The following MED27 variants were observed in gnomAD, a reference collection of about 807,000 sequenced individuals.
MED27 encodes mediator complex subunit 27.
MED27 carries 30 observed loss-of-function variants against 38.2 expected under a neutral mutation model. That is an observed-to-expected ratio of 0.79 (90% CI 0.59 to 1.07). The LOEUF is 1.07. Ranked by LOEUF, MED27 falls within the 50% of genes least tolerant of loss-of-function variation. The probability of loss-of-function intolerance (pLI) is 0.00; values close to 1 mark genes in which losing one functional copy is unlikely to be tolerated. For synonymous variants in MED27, 122 were observed against 153.5 expected (o/e 0.79, Z 1.52); for missense variants, 289 against 397.5 (o/e 0.73, Z 2.32).
chr9:132,013,325 AT>A (rs1832523272), intron 3 of MED27, among the ~76,000 whole-genome samples: 1 of 152,250 alleles, frequency 6.6e-6, no homozygotes, highest in South Asian at 2.1e-4. Flanking sequence ...ATACAAAAAA[AT>A]GACACTGCAT....
intron 2 of MED27, among the ~76,000 whole-genome samples, chr9:132,034,310 A>G (rs754768881): frequency 6.6e-6 from 1 of 152,212 alleles, no homozygotes; most frequent in Non-Finnish European, 1.5e-5. Context: ...AAAAGTGTCC[A>G]TGGACAAATA....
intron 4 of MED27, among the ~76,000 whole-genome samples, chr9:131,899,977 C>T (rs565788589): frequency 3.0e-4 from 46 of 152,342 alleles, no homozygotes; most frequent in African/African-American, 9.1e-4. Flanking sequence ...TTGGCAACTG[C>T]TATAGGATAC....
intron 2 of MED27, among the ~76,000 whole-genome samples, chr9:132,036,988 C>T (rs993274484): frequency 6.6e-6 from 1 of 151,998 alleles, no homozygotes; most frequent in African/African-American, 2.4e-5. Flanking sequence ...GTGACAGCAA[C>T]GGAGAGAAAG....
intron 2 of MED27, among the ~76,000 whole-genome samples, chr9:132,063,072 G>A (rs1243309202): frequency 6.6e-6 from 1 of 152,218 alleles, no homozygotes; most frequent in Non-Finnish European, 1.5e-5. Context: ...CTGAAACAGG[G>A]TGGGAGTATT....
At chr9:131,947,140 G>A (rs544914191) in intron 3 of MED27, among the ~76,000 whole-genome samples, 3 of 152,104 alleles carry the variant, frequency 2.0e-5, no homozygotes, top group African/African-American at 4.8e-5. Context: ...AGTAAGCCAC[G>A]GAGACCCAAA....
chr9:132,046,432 T>TAA (rs888348014), intron 2 of MED27, among the ~76,000 whole-genome samples: 1 of 146,402 alleles, frequency 6.8e-6, no homozygotes, highest in South Asian at 2.1e-4. Context: ...CAAGAGTCTT[T>TAA]AAAAAAAAAA....
chr9:132,008,756 C>G (rs950631435), intron 3 of MED27, among the ~76,000 whole-genome samples: 1 of 152,230 alleles, frequency 6.6e-6, no homozygotes, highest in Non-Finnish European at 1.5e-5. Flanking sequence ...TTAGTGCCAT[C>G]CAACTGCTAA....
chr9:132,055,630 C>A (rs4246176), intron 2 of MED27, among the ~76,000 whole-genome samples: 1 of 152,000 alleles, frequency 6.6e-6, no homozygotes. Context: ...TCATAGCACT[C>A]ATAAGCCACC....
At chr9:131,927,423 C>T (rs528061868) in intron 4 of MED27, among the ~76,000 whole-genome samples, 1 of 152,344 alleles carries the variant, frequency 6.6e-6, no homozygotes, top group East Asian at 1.9e-4. Flanking sequence ...AGCCAAAGAG[C>T]AGATCCCCAT....
intron 4 of MED27, among the ~76,000 whole-genome samples, chr9:131,908,115 C>T (rs538702728): frequency 6.4e-5 from 9 of 141,564 alleles, no homozygotes; most frequent in East Asian, 4.0e-4. Flanking sequence ...CCACCCTGTC[C>T]GGGAGGGAGG....
intron 4 of MED27, among the ~76,000 whole-genome samples, chr9:131,905,734 A>AAAC (rs751226482): frequency 1.1e-4 from 3 of 28,158 alleles, no homozygotes; most frequent in African/African-American, 3.0e-4. Context: ...AAAACAGAAA[A>AAAC]AGAAAAAGAA....
intron 3 of MED27, among the ~76,000 whole-genome samples, chr9:132,000,733 A>T (rs892928123): frequency 6.6e-6 from 1 of 151,970 alleles, no homozygotes; most frequent in Admixed American, 6.6e-5. Context: ...TGAGTAGAAA[A>T]GTCAGATTTT....
chr9:131,971,207 T>C (rs1308620645), intron 3 of MED27, among the ~76,000 whole-genome samples: 4 of 152,218 alleles, frequency 2.6e-5, no homozygotes, highest in South Asian at 2.1e-4. Flanking sequence ...TTATGGACTT[T>C]AAAACTTTAA....
intron 3 of MED27, among the ~76,000 whole-genome samples, chr9:131,947,292 C>T (rs1166730102): frequency 6.6e-6 from 1 of 152,174 alleles, no homozygotes; most frequent in East Asian, 1.9e-4. Context: ...TCGAAGAAAG[C>T]TGCAGAGCTC....
At chr9:131,948,103 G>A (rs964119370) in intron 3 of MED27, among the ~76,000 whole-genome samples, 4 of 152,128 alleles carry the variant, frequency 2.6e-5, no homozygotes, top group African/African-American at 9.7e-5. Flanking sequence ...GGTCAAATTT[G>A]CTTACTTCTC....
chr9:131,897,702 G>A (rs1187019452), intron 4 of MED27, among the ~76,000 whole-genome samples: 2 of 152,190 alleles, frequency 1.3e-5, no homozygotes, highest in Non-Finnish European at 2.9e-5. Context: ...GCTGGGATGG[G>A]TTCATGGGGT....
chr9:132,055,664 G>A (rs2131142984), intron 2 of MED27, among the ~76,000 whole-genome samples: 1 of 152,260 alleles, frequency 6.6e-6, no homozygotes, highest in East Asian at 1.9e-4. Context: ...ATTAGGACAG[G>A]TAAAGCATCT....
At chr9:131,994,395 T>C (rs1832046525) in intron 3 of MED27, among the ~76,000 whole-genome samples, 1 of 152,076 alleles carries the variant, frequency 6.6e-6, no homozygotes, top group Non-Finnish European at 1.5e-5. Flanking sequence ...CAATACTGCA[T>C]TAAAAACCAA....
intron 3 of MED27, among the ~76,000 whole-genome samples, chr9:132,000,769 A>T (rs1047062112): frequency 6.2e-5 from 9 of 145,780 alleles, no homozygotes; most frequent in Non-Finnish European, 1.1e-4. Context: ...TTTTTTTTTT[A>T]GAGATGGGGT....
Sources: gnomAD v4.1 joint callset for allele counts (sites outside exome capture counted in the v4.1 genomes callset) on GRCh38, gnomAD v4.1.1 for gene constraint, MANE v1.5 for transcripts, NCBI Gene and HGNC (gene_info 2026-07-23, HGNC 2026-07-21) for gene names.